The following SLC36A2 variants were observed in gnomAD, a reference collection of about 807,000 sequenced individuals.
SLC36A2 encodes proton-coupled amino acid transporter 2.
SLC36A2 carries 39 observed loss-of-function variants against 42.7 expected under a neutral mutation model. The ratio of observed to expected loss-of-function variants is 0.91; its 90% CI spans 0.71 to 1.19. SLC36A2 has a LOEUF of 1.19. SLC36A2 is among the 50% of genes most tolerant of loss of function. SLC36A2 has a pLI of 0.00. For missense variants in SLC36A2, 590 were observed against 613.7 expected (o/e 0.96, Z 0.41); for synonymous variants, 237 against 240.8 (o/e 0.98, Z 0.15).
intron 9 of SLC36A2, among the ~76,000 whole-genome samples, chr5:151,318,332 A>G (rs1034183372): frequency 4.0e-5 from 6 of 151,326 alleles, no homozygotes; most frequent in East Asian, 1.9e-4. Flanking sequence ...CAAACTGTCA[A>G]TGTTTGTACT....
At position 151,321,159 on chromosome 5, in the gene SLC36A2, AT is replaced by A. The variant is rs752731635; in HGVS notation, c.1180+886del. ...GTTCTTATGATTTATTTATTTATTT[AT>A]TTATTTATTTATTAATATATTTGAG... is the stretch of plus-strand genomic sequence containing the variant. On this transcript the variant is annotated intron_variant, in intron 9 of 9. Coordinates refer to ENST00000335244, the MANE Select transcript of SLC36A2 (RefSeq NM_181776.3). Among the ~76,000 whole-genome samples, 1,334 of 151,398 alleles carry A rather than the reference AT, an allele frequency of 8.8e-3. 10 individuals are homozygous for A. The highest frequency in any genetic ancestry group is 0.02 in the Middle Eastern group (6 of 294).
intron 8 of SLC36A2, 103 bp downstream of exon 8, chr5:151,325,183 G>A: frequency 7.4e-7 from 1 of 1,344,926 alleles, no homozygotes; most frequent in Non-Finnish European, 1.0e-6. Context: ...TCTGTGGGAG[G>A]CTCTCTAGAC....
chr5:151,338,181 T>C (rs913368815), intron 5 of SLC36A2, among the ~76,000 whole-genome samples: 1 of 152,236 alleles, frequency 6.6e-6, no homozygotes, highest in Non-Finnish European at 1.5e-5. Flanking sequence ...ATTTTTCTTC[T>C]AGCTAGTTTA....
At chr5:151,339,316 T>A (rs1756251103) in intron 4 of SLC36A2, among the ~76,000 whole-genome samples, 172 bp from the exon 5 acceptor site, 1 of 125,956 alleles carries the variant, frequency 7.9e-6, no homozygotes, top group Admixed American at 7.0e-5. Context: ...TAACAATCGT[T>A]CTTTTTTTTT....
intron 9 of SLC36A2, among the ~76,000 whole-genome samples, chr5:151,318,583 T>C (rs1356968536): frequency 7.0e-6 from 1 of 142,772 alleles, no homozygotes; most frequent in Non-Finnish European, 1.5e-5. Flanking sequence ...ATAAATATTT[T>C]ATATATATAA....
chr5:151,332,673 A>G (rs1189374417), intron 7 of SLC36A2: 3 of 252,368 alleles, frequency 1.2e-5, no homozygotes, highest in Admixed American at 5.1e-5. Context: ...AAGACAGTAC[A>G]GGCAGAGAAC....
At position 151,335,401 on chromosome 5, in the gene SLC36A2, C is replaced by T. The variant is rs1413575124; in HGVS notation, c.672G>A (p.Leu224=). The T allele has an allele frequency of 6.2e-7, 1 of 1,614,064 alleles. No individual in the cohort carries two copies. The highest frequency in any genetic ancestry group is 1.7e-5 in the Admixed American group (1 of 60,016). Residue 224 remains leucine (L), a synonymous_variant, in exon 6 of 10, where the codon TTG becomes TTA. Transcript: ENST00000335244. The stretch of plus-strand genomic sequence containing the variant: ...TGTTGGCCAGCATGGAGAAGATGGT[C>T]AAGATCCTGAGGTTCCGGATGAGGA... ...LLVLIRNLRI[L]TIFSMLANIS...
intron 7 of SLC36A2, chr5:151,332,452 A>G: frequency 6.6e-6 from 3 of 456,052 alleles, no homozygotes; most frequent in South Asian, 4.7e-5. Flanking sequence ...ATGATTGTCA[A>G]AAACTAGAAA....
At chr5:151,344,937 G>T (rs564934086) in intron 1 of SLC36A2, among the ~76,000 whole-genome samples, 8 of 152,128 alleles carry the variant, frequency 5.3e-5, no homozygotes, top group African/African-American at 1.7e-4. Flanking sequence ...GTCTGGCGGG[G>T]CATAACCATT....
Position 151,343,314 on chromosome 5 carries a change from T to C in SLC36A2, c.344+196A>G, listed in dbSNP as rs79411575. 6.0e-3 allele frequency among the ~76,000 whole-genome samples: 911 copies of C among 152,246 alleles called. 48 individuals are homozygous for C. In the East Asian group the frequency reaches 0.12, roughly 21 times the overall value. On this transcript the variant is annotated intron_variant, in intron 3 of 9. Transcript: ENST00000335244. ...AGAGGAGCCAACCAGATAAGCACAA[T>C]AGCCTGACTGAGATCTCCTAAGGAG... is the stretch of plus-strand genomic sequence containing the variant.
chr5:151,341,616 T>C (rs538569586), intron 4 of SLC36A2, among the ~76,000 whole-genome samples: 1 of 152,052 alleles, frequency 6.6e-6, no homozygotes, highest in Non-Finnish European at 1.5e-5. Context: ...AGCTAAAAGG[T>C]GGGATTTTTC....
intron 9 of SLC36A2, 194 bp downstream of exon 9, chr5:151,321,852 A>C (rs1755701902): frequency 3.3e-6 from 2 of 601,610 alleles, no homozygotes; most frequent in Non-Finnish European, 5.9e-6. Context: ...TAATTGTTGT[A>C]TTTTTAGTAG....
chr5:151,321,991 C>T, intron 9 of SLC36A2, 55 bp downstream of exon 9: 1 of 1,609,990 alleles, frequency 6.2e-7, no homozygotes, highest in South Asian at 1.1e-5. Flanking sequence ...CTGGCTGATT[C>T]TTTATAGCCC....
intron 6 of SLC36A2, among the ~76,000 whole-genome samples, chr5:151,333,760 G>A (rs554775015): frequency 6.6e-6 from 1 of 152,270 alleles, no homozygotes; most frequent in East Asian, 1.9e-4. Context: ...TACTCTGGAG[G>A]CTGAGGCAGG....
At chr5:151,329,037 G>A (rs1323235263) in intron 7 of SLC36A2, among the ~76,000 whole-genome samples, 1 of 152,152 alleles carries the variant, frequency 6.6e-6, no homozygotes, top group African/African-American at 2.4e-5. Context: ...GCGAGTGTGC[G>A]GGAAAACACA....
chr5:151,338,399 T>G (rs1756217449), intron 5 of SLC36A2, among the ~76,000 whole-genome samples: 2 of 142,554 alleles, frequency 1.4e-5, no homozygotes, highest in South Asian at 4.1e-4. Context: ...GGCCCAAGGC[T>G]GGATGTGGTG....
At chr5:151,334,826 G>GT (rs747597708) in intron 6 of SLC36A2, among the ~76,000 whole-genome samples, 5 of 151,478 alleles carry the variant, frequency 3.3e-5, no homozygotes, top group East Asian at 1.9e-4. Context: ...TTTGCTTATA[G>GT]TTTTTTTTTA....
chr5:151,335,971 C>A (rs1756143541), intron 5 of SLC36A2, among the ~76,000 whole-genome samples: 1 of 151,290 alleles, frequency 6.6e-6, no homozygotes, highest in African/African-American at 2.4e-5. Context: ...CCACCACACT[C>A]CAGCCTGGGC....
At chr5:151,334,048 G>T (rs1391575946) in intron 6 of SLC36A2, among the ~76,000 whole-genome samples, 1 of 152,062 alleles carries the variant, frequency 6.6e-6, no homozygotes, top group Non-Finnish European at 1.5e-5. Flanking sequence ...AAATTGAAGG[G>T]GAGAAGACTG....
Sources: allele counts gnomAD v4.1 joint callset (sites outside exome capture counted in the v4.1 genomes callset), GRCh38; gene constraint gnomAD v4.1.1; transcripts MANE v1.5; gene names NCBI Gene and HGNC (gene_info 2026-07-23, HGNC 2026-07-21).